The following CACNG2 variants were observed in gnomAD, a reference collection of about 807,000 sequenced individuals.
The protein encoded by CACNG2 is voltage-dependent calcium channel gamma-2 subunit.
Under a neutral mutation model 25.9 loss-of-function variants are expected in CACNG2, and 3 were observed. The observed-to-expected ratio is 0.12, with a 90% CI of 0.05 to 0.30. The LOEUF (loss-of-function observed/expected upper bound fraction) is 0.30. CACNG2 is among the 10% of genes least tolerant of loss of function. The pLI, the probability that CACNG2 is intolerant of heterozygous loss-of-function variation, is 1.00. For synonymous variants in CACNG2, 167 were observed against 173.3 expected, an observed-to-expected ratio of 0.96 and a Z score of 0.29; for missense variants, 341 against 432.5, an observed-to-expected ratio of 0.79 and a Z score of 1.88.
At chr22:36,660,733 GGTGTGGGTT>G (rs1354171261) in intron 1 of CACNG2, among the ~76,000 whole-genome samples, 1 of 152,234 alleles carries the variant, frequency 6.6e-6, no homozygotes, top group African/African-American at 2.4e-5. Context: ...AGGGCTGGGA[GGTGTGGGTT>G]GTTAGATAAA....
At position 36,562,465 on chromosome 22, in the gene CACNG2, A is replaced by G. The variant is rs531656957; in HGVS notation, c.*1886T>C. On this transcript the variant is annotated 3_prime_UTR_variant, in exon 4 of 4. Coordinates refer to ENST00000300105, the MANE Select transcript of CACNG2 (RefSeq NM_006078.5). ...GACGGGTGCCCTTCCCATGCATGCG[A>G]GTGGTGTGTGTGTGTGTGTGGGTAT... is the stretch of plus-strand genomic sequence containing the variant. The G allele has an allele frequency of 6.9e-6, 1 of 145,336 alleles. No individual in the cohort carries two copies. Among genetic ancestry groups the G allele is most frequent in the Non-Finnish European group, 1.5e-5 (1 of 66,338 alleles). 9.0% of individuals were successfully genotyped at this position (145,336 alleles called of 1,614,324 possible). A position where few individuals can be genotyped will look rare whatever the true frequency, so the allele number is the denominator to read the frequency against.
intron 2 of CACNG2, among the ~76,000 whole-genome samples, chr22:36,569,833 C>G (rs974227268): frequency 5.3e-5 from 8 of 152,220 alleles, no homozygotes; most frequent in African/African-American, 1.9e-4. Context: ...AGCCACCGCG[C>G]CCGGCCGTTA....
Position 36,702,359 on chromosome 22 carries a change from C to G in CACNG2, c.211+7G>C. 8 of 1,606,084 alleles carry G rather than the reference C, an allele frequency of 5.0e-6. No homozygotes were observed. The highest frequency in any genetic ancestry group is 6.8e-6 in the Non-Finnish European group (8 of 1,173,798). ...GGAGAGGGGGGAGGAGATGGGAAGTCAAGTACCTTCTAGGCAGCAGGTTCT... is the reference window on the plus strand; with the variant it reads ...GGAGAGGGGGGAGGAGATGGGAAGTGAAGTACCTTCTAGGCAGCAGGTTCT... On this transcript the variant is annotated splice_region_variant and intron_variant, in intron 1 of 3. Coordinates refer to ENST00000300105, the MANE Select transcript of CACNG2 (RefSeq NM_006078.5).
At chr22:36,677,043 C>A (rs760125931) in intron 1 of CACNG2, among the ~76,000 whole-genome samples, 1 of 151,852 alleles carries the variant, frequency 6.6e-6, no homozygotes, top group African/African-American at 2.4e-5. Context: ...CACCTCTACT[C>A]TTCTCTGGTT....
At chr22:36,577,467 T>A (rs1476129158) in intron 2 of CACNG2, among the ~76,000 whole-genome samples, 1 of 151,706 alleles carries the variant, frequency 6.6e-6, no homozygotes, top group Non-Finnish European at 1.5e-5. Flanking sequence ...CTGGCCAACA[T>A]GGTGAAACCC....
At chr22:36,583,960 C>T (rs938680545) in intron 2 of CACNG2, among the ~76,000 whole-genome samples, 8 of 152,242 alleles carry the variant, frequency 5.3e-5, no homozygotes, top group African/African-American at 1.7e-4. Context: ...ACATGATGCT[C>T]TGTGCCTGCT....
chr22:36,583,085 A>T (rs1482807826), intron 2 of CACNG2, among the ~76,000 whole-genome samples: 3 of 151,766 alleles, frequency 2.0e-5, no homozygotes, highest in African/African-American at 7.3e-5. Flanking sequence ...GTTTAGGAAT[A>T]CTCCGGAAGG....
At chr22:36,625,677 C>T (rs1936173563) in intron 1 of CACNG2, among the ~76,000 whole-genome samples, 1 of 152,288 alleles carries the variant, frequency 6.6e-6, no homozygotes, top group South Asian at 2.1e-4. Flanking sequence ...TAAAGTAGCT[C>T]AGCTTTGGAG....
At chr22:36,647,101 G>A (rs1188453953) in intron 1 of CACNG2, among the ~76,000 whole-genome samples, 1 of 152,072 alleles carries the variant, frequency 6.6e-6, no homozygotes, top group Non-Finnish European at 1.5e-5. Flanking sequence ...TATGGATGCT[G>A]TCCCTTACAT....
chr22:36,640,636 T>C (rs1481975841), intron 1 of CACNG2, among the ~76,000 whole-genome samples: 1 of 152,200 alleles, frequency 6.6e-6, no homozygotes, highest in Non-Finnish European at 1.5e-5. Context: ...GCCCGAGCCT[T>C]CAGCATCACC....
At chr22:36,570,162 C>T (rs1569490) in intron 2 of CACNG2, among the ~76,000 whole-genome samples, 76,696 of 152,112 alleles carry the variant, frequency 0.5, 20,268 homozygotes, top group African/African-American at 0.66. Flanking sequence ...CAGCTCAGCC[C>T]TCCTGCCAGC....
intron 1 of CACNG2, among the ~76,000 whole-genome samples, chr22:36,647,093 T>G (rs553836135): frequency 1.3e-5 from 2 of 152,146 alleles, no homozygotes; most frequent in African/African-American, 4.8e-5. Flanking sequence ...TAGGTTCTTA[T>G]GGATGCTGTC....
chr22:36,639,812 C>T (rs904434879), intron 1 of CACNG2, among the ~76,000 whole-genome samples: 2 of 152,212 alleles, frequency 1.3e-5, no homozygotes, highest in African/African-American at 4.8e-5. Flanking sequence ...GCCAGTGATA[C>T]ACAGTGAGAG....
intron 1 of CACNG2, among the ~76,000 whole-genome samples, chr22:36,603,447 C>A (rs886720005): frequency 6.6e-6 from 1 of 152,158 alleles, no homozygotes; most frequent in East Asian, 1.9e-4. Context: ...ATGAAGGTGG[C>A]CACACTAAAC....
intron 2 of CACNG2, among the ~76,000 whole-genome samples, chr22:36,569,473 A>C (rs547986414): frequency 6.5e-4 from 99 of 152,300 alleles, no homozygotes; most frequent in African/African-American, 2.3e-3. Flanking sequence ...TGTGTGGCTA[A>C]GGCGGGTGCT....
intron 2 of CACNG2, among the ~76,000 whole-genome samples, chr22:36,577,831 C>T (rs868406020): frequency 7.9e-5 from 12 of 151,920 alleles, no homozygotes; most frequent in Non-Finnish European, 1.5e-4. Flanking sequence ...TAGTTTTAGC[C>T]GCACTGGTTG....
chr22:36,678,349 C>A (rs1476257954), intron 1 of CACNG2, among the ~76,000 whole-genome samples: 1 of 152,114 alleles, frequency 6.6e-6, no homozygotes, highest in Admixed American at 6.5e-5. Flanking sequence ...GAGGAAATGG[C>A]CAGAACCTAG....
At chr22:36,669,805 C>G (rs566693285) in intron 1 of CACNG2, among the ~76,000 whole-genome samples, 2 of 152,138 alleles carry the variant, frequency 1.3e-5, no homozygotes, top group Admixed American at 1.3e-4. Context: ...CTCCGCCTCC[C>G]GGGTTCAAGC....
chr22:36,600,523 T>C (rs1371728624), intron 1 of CACNG2, among the ~76,000 whole-genome samples: 2 of 151,538 alleles, frequency 1.3e-5, no homozygotes, highest in African/African-American at 4.8e-5. Context: ...GTTAAAATAG[T>C]CTTTAAAAAA....
Sources: allele counts gnomAD v4.1 joint callset (sites outside exome capture counted in the v4.1 genomes callset), GRCh38; gene constraint gnomAD v4.1.1; transcripts MANE v1.5; gene names NCBI Gene and HGNC (gene_info 2026-07-23, HGNC 2026-07-21).